The following ARHGAP6 variants were observed in gnomAD, a reference collection of about 807,000 sequenced individuals.
ARHGAP6 encodes the protein Rho GTPase activating protein 6.
In ARHGAP6, 16 loss-of-function variants were observed where a neutral mutation model predicts 55.7. The ratio of observed to expected loss-of-function variants is 0.29; its 90% CI spans 0.19 to 0.44. The LOEUF (loss-of-function observed/expected upper bound fraction) is 0.44, where lower values mean the gene tolerates loss of function less well. Among genes scored for constraint, ARHGAP6 ranks in the 20% least tolerant of loss-of-function variants. The pLI is 1.00. For synonymous variants in ARHGAP6, 382 were observed against 360.9 expected (o/e 1.06, Z -0.66); for missense variants, 698 against 808.9 (o/e 0.86, Z 1.66).
intron 1 of ARHGAP6, among the ~76,000 whole-genome samples, chrX:11,501,757 G>A (rs945578263): frequency 1.6e-4 from 18 of 111,735 alleles, no homozygotes; most frequent in Non-Finnish European, 3.0e-4. Flanking sequence ...ATAAGGAAGA[G>A]AAAATATATT....
chrX:11,632,155 T>C (rs2147176700), intron 1 of ARHGAP6, among the ~76,000 whole-genome samples: 1 of 112,564 alleles, frequency 8.9e-6, no homozygotes, highest in African/African-American at 3.2e-5. Context: ...ACTCTATTAG[T>C]GAAATTTGTG....
At chrX:11,359,011 C>G (rs749908225) in intron 1 of ARHGAP6, among the ~76,000 whole-genome samples, 73 of 112,095 alleles carry the variant, frequency 6.5e-4, no homozygotes, top group Non-Finnish European at 1.2e-3. Flanking sequence ...AAAATAAATT[C>G]AGCTTGATTT....
chrX:11,659,725 A>C (rs963661462), intron 1 of ARHGAP6, among the ~76,000 whole-genome samples: 3 of 111,592 alleles, frequency 2.7e-5, no homozygotes, highest in South Asian at 3.8e-4. Context: ...AGTGGATGAG[A>C]TGCAACTTGG....
At chrX:11,315,361 G>C (rs1317919961) in intron 1 of ARHGAP6, among the ~76,000 whole-genome samples, 1 of 111,970 alleles carries the variant, frequency 8.9e-6, no homozygotes, top group Non-Finnish European at 1.9e-5. Flanking sequence ...GTTCACAATA[G>C]AGTTAGCGCT....
chrX:11,237,699 G>A (rs1452550380), intron 2 of ARHGAP6, among the ~76,000 whole-genome samples: 2 of 111,852 alleles, frequency 1.8e-5, no homozygotes, highest in Non-Finnish European at 3.8e-5. Flanking sequence ...CTATGTATTT[G>A]GACCAATAAA....
chrX:11,196,985 T>C lies in ARHGAP6; in HGVS notation c.760A>G (p.Arg254Gly). ...QITIPKDGQK[R>G]KKSLRKKLDS... ...AGTTTCTTTCTTAAAGATTTCTTTC[T>C]CTTTTGTCCATCTGTAAATATTAAA... Residue 254 changes from arginine (R) to glycine (G), a missense_variant, in exon 3 of 13, where the codon AGA (arginine) becomes GGA (glycine). Transcript: ENST00000337414. 9.7e-7 allele frequency: 1 copy of C among 1,035,260 alleles called. No individual in the cohort carries two copies. Among genetic ancestry groups the C allele is most frequent in the Non-Finnish European group, 1.4e-6 (1 of 736,978 alleles). The allele number at this position is 1,035,260 out of a possible 1,213,427, so 85.3% of individuals were successfully genotyped here. A position where few individuals can be genotyped will look rare whatever the true frequency, so the allele number is the denominator to read the frequency against.
intron 8 of ARHGAP6, among the ~76,000 whole-genome samples, chrX:11,176,838 C>G (rs1223846352): frequency 8.9e-6 from 1 of 111,998 alleles, no homozygotes; most frequent in Non-Finnish European, 1.9e-5. Flanking sequence ...CTGAAGCCAT[C>G]TGGGGCTTCA....
chrX:11,221,699 C>G (rs1410290122), intron 2 of ARHGAP6, among the ~76,000 whole-genome samples: 1 of 111,808 alleles, frequency 8.9e-6, no homozygotes, highest in Non-Finnish European at 1.9e-5. Context: ...CACATTAAGT[C>G]ACATATCAGT....
At position 11,138,714 on chromosome X, in the gene ARHGAP6, T is replaced by C; in HGVS notation, c.*149A>G. The C allele has an allele frequency of 1.6e-6, 1 of 634,707 alleles. No homozygotes were observed. The highest frequency in any genetic ancestry group is 3.6e-5 in the East Asian group (1 of 27,894). The allele number at this position is 634,707 out of a possible 1,213,427, so 52.3% of individuals were successfully genotyped here. ...CTCAATGGCGGGGGCGTGAGTGCTC[T>C]ACCTCTGTAGGTGAACTGGATTTCT... is the stretch of plus-strand genomic sequence containing the variant. On this transcript the variant is annotated 3_prime_UTR_variant, in exon 13 of 13. Transcript: ENST00000337414.
rs779181830 is a variant in ARHGAP6, at chrX:11,173,327, T to G, written c.1630-3643A>C. ...TAGAGGCATGTACCTCCTCAGAGAT[T>G]AGTAATCATGGCCCTACACTGGTGA... is the stretch of plus-strand genomic sequence containing the variant. On this transcript the variant is annotated intron_variant, in intron 8 of 12. Transcript: ENST00000337414. Among the ~76,000 whole-genome samples the G allele has an allele frequency of 2.7e-5, 3 of 112,168 alleles. No individual in the cohort carries two copies. The South Asian group carries it at 1.1e-3, about 42-fold the overall frequency.
chrX:11,567,566 A>AAAAAAAAAAAAAAAATATATAT lies in ARHGAP6; in HGVS notation c.588+96674_588+96675insATATATATTTTTTTTTTTTTTT, dbSNP rs1440758737. Among the ~76,000 whole-genome samples the AAAAAAAAAAAAAAAATATATAT allele has an allele frequency of 1.2e-3, 103 of 84,335 alleles. 1 individual carries two copies. The highest frequency in any genetic ancestry group is 1.4e-3 in the African/African-American group (30 of 21,095). 73.2% of individuals were successfully genotyped at this position (84,335 alleles called of 115,157 possible). On this transcript the variant is annotated intron_variant, in intron 1 of 12. Transcript: ENST00000337414. ...GAGACTCCATCTCAAAAAAAAAAAA[A>AAAAAAAAAAAAAAAATATATAT]ATATATATATATATTTGCCTCAGAG...
intron 3 of ARHGAP6, among the ~76,000 whole-genome samples, chrX:11,194,477 G>A (rs190246193): frequency 1.8e-5 from 2 of 112,116 alleles, no homozygotes; most frequent in African/African-American, 6.5e-5. Flanking sequence ...CTTCTTAAAG[G>A]TTCCACAAGT....
rs373803354 is a variant in ARHGAP6 at position 11,269,862 on chromosome X, G to A, written c.589-15155C>T. Among the ~76,000 whole-genome samples the A allele has an allele frequency of 2.9e-4, 32 of 111,610 alleles. No individual in the cohort carries two copies. In the East Asian group the frequency reaches 3.4e-3, roughly 12 times the overall value. On this transcript the variant is annotated intron_variant, in intron 1 of 12. Transcript: ENST00000337414. ...CCCTGACCTTGGTCTAATTGCTAGC[G>A]TCCTTCTGATGCTACTGTGACCTAT...
At position 11,145,589 on chromosome X, in the gene ARHGAP6, G is replaced by T. The variant is rs190411288; in HGVS notation, c.1908-1341C>A. Among the ~76,000 whole-genome samples, 3 of 112,336 alleles carry T rather than the reference G, an allele frequency of 2.7e-5. No individual in the cohort carries two copies. The Admixed American group carries it at 2.8e-4, about 11-fold the overall frequency. ...TTCCAGGTCTGCAAGATCTCATTGA[G>T]TGGTTGTGAAGTGCATCCCAGGGTG... On this transcript the variant is annotated intron_variant, in intron 10 of 12. Transcript: ENST00000337414.
intron 1 of ARHGAP6, among the ~76,000 whole-genome samples, chrX:11,555,899 G>A (rs888462704): frequency 5.4e-5 from 6 of 111,229 alleles, no homozygotes. Flanking sequence ...TAAGAGATGA[G>A]ACCAGAGTAA....
At chrX:11,237,773 G>C (rs1232699974) in intron 2 of ARHGAP6, among the ~76,000 whole-genome samples, 1 of 112,332 alleles carries the variant, frequency 8.9e-6, no homozygotes, top group Non-Finnish European at 1.9e-5. Flanking sequence ...CAATGAAAAA[G>C]TGAGGGGAAA....
intron 1 of ARHGAP6, among the ~76,000 whole-genome samples, chrX:11,372,607 C>A (rs1209069217): frequency 9.3e-6 from 1 of 107,977 alleles, no homozygotes; most frequent in Non-Finnish European, 1.9e-5. Flanking sequence ...CCTGCCTCTA[C>A]TAAAAATATA....
intron 1 of ARHGAP6, among the ~76,000 whole-genome samples, chrX:11,265,016 C>G (rs767654405): frequency 8.9e-6 from 1 of 112,230 alleles, no homozygotes; most frequent in African/African-American, 3.2e-5. Context: ...CTCATAACCA[C>G]TATATGTATT....
intron 1 of ARHGAP6, among the ~76,000 whole-genome samples, chrX:11,564,364 A>G (rs2051419894): frequency 9.0e-6 from 1 of 111,394 alleles, no homozygotes; most frequent in Non-Finnish European, 1.9e-5. Flanking sequence ...AAAAGTATTA[A>G]TAAGGTATTA....
Sources: allele counts gnomAD v4.1 joint callset (sites outside exome capture counted in the v4.1 genomes callset), GRCh38; gene constraint gnomAD v4.1.1; transcripts MANE v1.5; gene names NCBI Gene and HGNC (gene_info 2026-07-23, HGNC 2026-07-21).